AUTS2: variants seen among roughly 807,000 people sequenced by gnomAD.
The protein encoded by AUTS2 is activator of transcription and developmental regulator AUTS2.
Under a neutral mutation model 112.4 loss-of-function variants are expected in AUTS2, and 17 were observed. The observed-to-expected ratio is 0.15, with a 90% CI of 0.10 to 0.23. The LOEUF (loss-of-function observed/expected upper bound fraction) is 0.23, where lower values mean the gene tolerates loss of function less well. Among genes scored for constraint, AUTS2 ranks in the 10% least tolerant of loss-of-function variants. AUTS2 has a pLI of 1.00. For synonymous variants in AUTS2, 751 were observed against 702.7 expected (o/e 1.07, Z -1.09); for missense variants, 1,510 against 1,701.6 (o/e 0.89, Z 1.98).
chr7:70,575,832 A>T (rs886956879), intron 5 of AUTS2, among the ~76,000 whole-genome samples: 1 of 152,186 alleles, frequency 6.6e-6, no homozygotes. Flanking sequence ...GCCTGCAAAC[A>T]TACCACCCAA....
At chr7:70,708,234 T>C (rs1006073551) in intron 6 of AUTS2, among the ~76,000 whole-genome samples, 2 of 152,176 alleles carry the variant, frequency 1.3e-5, no homozygotes, top group African/African-American at 4.8e-5. Flanking sequence ...GGTTTTTCCA[T>C]AGTAAAGCTC....
intron 4 of AUTS2, among the ~76,000 whole-genome samples, chr7:70,383,030 T>G (rs1297581581): frequency 6.6e-6 from 1 of 152,230 alleles, no homozygotes; most frequent in East Asian, 1.9e-4. Context: ...AATTCTACCT[T>G]TTTTCATGTT....
intron 1 of AUTS2, among the ~76,000 whole-genome samples, chr7:69,738,534 G>A (rs1387459171): frequency 6.6e-6 from 1 of 152,138 alleles, no homozygotes; most frequent in Non-Finnish European, 1.5e-5. Context: ...TGTGCTCTCA[G>A]GGTAAACATT....
At chr7:70,633,475 G>A (rs570758612) in intron 5 of AUTS2, among the ~76,000 whole-genome samples, 3 of 152,054 alleles carry the variant, frequency 2.0e-5, no homozygotes, top group South Asian at 2.1e-4. Flanking sequence ...TCCGGGTGTG[G>A]TGGTGGTCAT....
intron 4 of AUTS2, among the ~76,000 whole-genome samples, chr7:70,396,800 A>C (rs1208884066): frequency 6.6e-6 from 1 of 152,138 alleles, no homozygotes; most frequent in Non-Finnish European, 1.5e-5. Flanking sequence ...GGTTGTTTAC[A>C]ATTTTTGGTT....
intron 1 of AUTS2, among the ~76,000 whole-genome samples, chr7:69,753,265 A>G (rs1417385066): frequency 6.6e-6 from 1 of 151,880 alleles, no homozygotes; most frequent in Non-Finnish European, 1.5e-5. Flanking sequence ...CTGGTCTGTC[A>G]TACATTTGTC....
intron 1 of AUTS2, among the ~76,000 whole-genome samples, chr7:69,683,567 A>G (rs1454334355): frequency 6.6e-6 from 1 of 151,970 alleles, no homozygotes; most frequent in Non-Finnish European, 1.5e-5. Context: ...AGCAAAAACT[A>G]TGACCCTGTG....
chr7:69,852,276 T>C (rs1792518942), intron 1 of AUTS2, among the ~76,000 whole-genome samples: 1 of 152,206 alleles, frequency 6.6e-6, no homozygotes. Context: ...TTGGTCAGGA[T>C]GTATAATTCT....
At chr7:70,443,933 G>T (rs1305623102) in intron 5 of AUTS2, among the ~76,000 whole-genome samples, 1 of 152,188 alleles carries the variant, frequency 6.6e-6, no homozygotes, top group African/African-American at 2.4e-5. Context: ...GTTTGGTAAT[G>T]ACCATTACTT....
At chr7:69,841,532 G>A (rs776077471) in intron 1 of AUTS2, among the ~76,000 whole-genome samples, 1 of 152,100 alleles carries the variant, frequency 6.6e-6, no homozygotes, top group Non-Finnish European at 1.5e-5. Context: ...TATAACACAA[G>A]GTTTACAGAA....
At chr7:69,714,236 C>CGTGTGT (rs1562830385) in intron 1 of AUTS2, among the ~76,000 whole-genome samples, 2 of 106,350 alleles carry the variant, frequency 1.9e-5, no homozygotes, top group African/African-American at 8.8e-5. Context: ...GCTAATTGTG[C>CGTGTGT]ATGTGTGTGT....
intron 4 of AUTS2, among the ~76,000 whole-genome samples, chr7:70,204,534 G>T (rs1259322527): frequency 1.3e-5 from 2 of 152,076 alleles, no homozygotes; most frequent in African/African-American, 2.4e-5. Context: ...AATTAACAGG[G>T]TGCTCTATAG....
chr7:69,877,388 A>G (rs980939350), intron 1 of AUTS2, among the ~76,000 whole-genome samples: 3 of 152,228 alleles, frequency 2.0e-5, no homozygotes, highest in African/African-American at 4.8e-5. Context: ...TTATATTTAT[A>G]CTACTGTACT....
chr7:70,542,535 CCT>C (rs1425631033), intron 5 of AUTS2, among the ~76,000 whole-genome samples: 3 of 152,210 alleles, frequency 2.0e-5, no homozygotes, highest in African/African-American at 7.2e-5. Flanking sequence ...AGTGGGGTGT[CCT>C]CTTTCCAGGC....
chr7:69,891,859 T>A (rs1303767755), intron 1 of AUTS2, among the ~76,000 whole-genome samples: 1 of 124,528 alleles, frequency 8.0e-6, no homozygotes, highest in African/African-American at 2.9e-5. Flanking sequence ...AGTGACACAA[T>A]CTCGGCTCAC....
At chr7:69,729,495 A>G (rs568274024) in intron 1 of AUTS2, among the ~76,000 whole-genome samples, 1 of 126,420 alleles carries the variant, frequency 7.9e-6, no homozygotes, top group Admixed American at 1.0e-4. Context: ...TGGTGTGATT[A>G]TATCGGAATA....
chr7:70,470,679 A>G (rs1353206988), intron 5 of AUTS2, among the ~76,000 whole-genome samples: 3 of 152,170 alleles, frequency 2.0e-5, no homozygotes, highest in East Asian at 3.9e-4. Flanking sequence ...GATAAAGGAA[A>G]GAGGGTGGAG....
chr7:69,766,937 G>T lies in AUTS2; in HGVS notation c.310-132349G>T, dbSNP rs550798681. On this transcript the variant is annotated intron_variant, in intron 1 of 18. Coordinates refer to ENST00000342771, the MANE Select transcript of AUTS2 (RefSeq NM_015570.4). ...TGTGCTTCTCCCAAACTTCTTCTCT[G>T]CCATTGGGGTTGCACCACTGGAAAA... Among the ~76,000 whole-genome samples the T allele has an allele frequency of 1.2e-4, 18 of 152,328 alleles. No homozygotes were observed. In the South Asian group the frequency reaches 3.5e-3, roughly 30 times the overall value.
chr7:70,182,880 G>C (rs1256800864), intron 4 of AUTS2, among the ~76,000 whole-genome samples: 2 of 151,856 alleles, frequency 1.3e-5, no homozygotes, highest in Non-Finnish European at 2.9e-5. Flanking sequence ...CCTCCTTTCT[G>C]CCTTTTGGGT....
Sources: allele counts gnomAD v4.1 joint callset (sites outside exome capture counted in the v4.1 genomes callset), GRCh38; gene constraint gnomAD v4.1.1; transcripts MANE v1.5; gene names NCBI Gene and HGNC (gene_info 2026-07-23, HGNC 2026-07-21).